Variants in LRP1B observed in about 807,000 individuals in gnomAD.
LRP1B encodes LDL receptor related protein 1B, also known as low-density lipoprotein receptor-related protein 1B.
In LRP1B, 217 loss-of-function variants were observed where a neutral mutation model predicts 556.6. The observed-to-expected ratio is 0.39, with a 90% CI of 0.35 to 0.44. The LOEUF is 0.44. LRP1B is among the 20% of genes least tolerant of loss of function. LRP1B has a pLI of 1.00. For missense variants in LRP1B, 5,053 were observed against 5,620.8 expected, an observed-to-expected ratio of 0.90 and a Z score of 3.23; for synonymous variants, 2,047 against 1,865.8, an observed-to-expected ratio of 1.10 and a Z score of -2.50.
chr2:140,749,196 G>A (rs1688484226), intron 35 of LRP1B, among the ~76,000 whole-genome samples: 1 of 151,948 alleles, frequency 6.6e-6, no homozygotes, highest in Admixed American at 6.6e-5. Flanking sequence ...GCTAGTTGTG[G>A]GTGAGCCAGT....
At chr2:141,085,732 C>A (rs1252292646) in intron 7 of LRP1B, among the ~76,000 whole-genome samples, 2 of 152,170 alleles carry the variant, frequency 1.3e-5, no homozygotes, top group Admixed American at 1.3e-4. Flanking sequence ...AACCAATAAT[C>A]TTAATATGGA....
intron 77 of LRP1B, among the ~76,000 whole-genome samples, chr2:140,346,123 A>G (rs1406406927): frequency 6.6e-6 from 1 of 151,460 alleles, no homozygotes; most frequent in East Asian, 1.9e-4. Context: ...TTCTGTTATT[A>G]TTATTATTCT....
At chr2:141,724,668 G>A (rs1319194691) in intron 2 of LRP1B, among the ~76,000 whole-genome samples, 1 of 151,650 alleles carries the variant, frequency 6.6e-6, no homozygotes, top group Admixed American at 6.6e-5. Context: ...GACTATCAGT[G>A]TTTTTGTTTG....
intron 7 of LRP1B, among the ~76,000 whole-genome samples, chr2:141,187,374 G>A (rs1037540761): frequency 6.6e-6 from 1 of 152,038 alleles, no homozygotes; most frequent in Non-Finnish European, 1.5e-5. Context: ...GATGACAGCT[G>A]TTTCTTCAGT....
chr2:140,597,425 A>G (rs491269), intron 43 of LRP1B, among the ~76,000 whole-genome samples: 53,892 of 149,980 alleles, frequency 0.36, 9,729 homozygotes, highest in Admixed American at 0.38. Context: ...ATATCATGAC[A>G]TAATAAAAAA....
At chr2:140,929,753 G>GAC (rs1259244233) in intron 20 of LRP1B, among the ~76,000 whole-genome samples, 7 of 54,286 alleles carry the variant, frequency 1.3e-4, no homozygotes, top group Admixed American at 4.4e-4. Flanking sequence ...CAGTCATATA[G>GAC]ACTCACACAC....
intron 15 of LRP1B, among the ~76,000 whole-genome samples, chr2:140,998,234 T>C (rs565455453): frequency 1.3e-5 from 2 of 152,144 alleles, no homozygotes; most frequent in African/African-American, 4.8e-5. Flanking sequence ...TTCAAGTTGC[T>C]CTCCTGGGAG....
At chr2:140,575,995 A>C (rs1278921914) in intron 43 of LRP1B, among the ~76,000 whole-genome samples, 1 of 152,148 alleles carries the variant, frequency 6.6e-6, no homozygotes, top group Admixed American at 6.5e-5. Flanking sequence ...AGTCATTCAA[A>C]AAAGTATCAC....
chr2:141,948,269 A>G (rs986087768), intron 1 of LRP1B, among the ~76,000 whole-genome samples: 6 of 152,074 alleles, frequency 3.9e-5, no homozygotes, highest in African/African-American at 1.4e-4. Context: ...ACTGAACTCC[A>G]GCCTGGGAGA....
chr2:141,504,736 G>A lies in LRP1B; in HGVS notation c.206-24203C>T, dbSNP rs561512892. Among the ~76,000 whole-genome samples the A allele has an allele frequency of 2.0e-5, 3 of 152,242 alleles. No homozygotes were observed. In the South Asian group the frequency reaches 6.2e-4, roughly 32 times the overall value. ...ATGGAGGTGGATGTCTTAAACCTGT[G>A]TAAGGGCTAGATTTGGTAGCTGCTA... On this transcript the variant is annotated intron_variant, in intron 2 of 90. Coordinates refer to ENST00000389484, the MANE Select transcript of LRP1B (RefSeq NM_018557.3).
Position 141,960,715 on chromosome 2 carries a change from T to G in LRP1B, c.83-150314A>C, listed in dbSNP as rs181050263. ...GAATTATAACATATCATTCTCCACT[T>G]TAATTTGTACTACGGACCTGGGAAA... On this transcript the variant is annotated intron_variant, in intron 1 of 90. Transcript: ENST00000389484. Among the ~76,000 whole-genome samples the G allele has an allele frequency of 2.6e-3, 398 of 152,034 alleles. 1 individual carries two copies. The highest frequency in any genetic ancestry group is 8.9e-3 in the African/African-American group (368 of 41,550).
chr2:141,821,590 GA>G (rs1184061893), intron 1 of LRP1B, among the ~76,000 whole-genome samples: 1 of 152,120 alleles, frequency 6.6e-6, no homozygotes, highest in African/African-American at 2.4e-5. Flanking sequence ...TATGAATTGG[GA>G]AGTATATATT....
chr2:141,725,774 G>A (rs1234563240), intron 2 of LRP1B, among the ~76,000 whole-genome samples: 2 of 151,464 alleles, frequency 1.3e-5, no homozygotes, highest in African/African-American at 4.8e-5. Context: ...GAGAACACAG[G>A]GCTTTGCATC....
At chr2:140,893,625 T>C (rs1181419173) in intron 23 of LRP1B, among the ~76,000 whole-genome samples, 2 of 152,202 alleles carry the variant, frequency 1.3e-5, no homozygotes, top group African/African-American at 4.8e-5. Context: ...AATAAATACA[T>C]GATCGTATTT....
At chr2:141,696,370 A>C (rs970427703) in intron 2 of LRP1B, among the ~76,000 whole-genome samples, 2 of 152,058 alleles carry the variant, frequency 1.3e-5, no homozygotes, top group Non-Finnish European at 2.9e-5. Flanking sequence ...CAGAAATTAT[A>C]TGTTACTTTT....
At chr2:141,840,556 A>T (rs352988) in intron 1 of LRP1B, among the ~76,000 whole-genome samples, 1 of 151,888 alleles carries the variant, frequency 6.6e-6, no homozygotes, top group East Asian at 1.9e-4. Context: ...CACGCCCGGC[A>T]TTATTAGAAC....
chr2:141,188,362 C>T (rs2105192522), intron 7 of LRP1B, 59 bp downstream of exon 7: 5 of 1,507,000 alleles, frequency 3.3e-6, no homozygotes, highest in Middle Eastern at 1.7e-4. Context: ...TGTCATACTT[C>T]AATCTTTTCT....
intron 7 of LRP1B, among the ~76,000 whole-genome samples, chr2:141,098,359 C>T (rs2104931691): frequency 6.6e-6 from 1 of 152,308 alleles, no homozygotes. Context: ...TACTAAAGTG[C>T]TTCTTTGAAA....
At chr2:140,534,780 C>T (rs1486852783) in intron 46 of LRP1B, among the ~76,000 whole-genome samples, 1 of 152,086 alleles carries the variant, frequency 6.6e-6, no homozygotes, top group African/African-American at 2.4e-5. Flanking sequence ...CAGCTTTGCC[C>T]CAGGCTCTGT....
Sources: allele counts gnomAD v4.1 joint callset (sites outside exome capture counted in the v4.1 genomes callset), GRCh38; gene constraint gnomAD v4.1.1; transcripts MANE v1.5; gene names NCBI Gene and HGNC (gene_info 2026-07-23, HGNC 2026-07-21).